Variants in PCDHGB2 observed in about 807,000 individuals in gnomAD.
PCDHGB2 encodes the protein protocadherin gamma-B2.
In PCDHGB2, 55 loss-of-function variants were observed where a neutral mutation model predicts 59.3. The observed-to-expected ratio is 0.93, with a 90% CI of 0.75 to 1.16. PCDHGB2 has a LOEUF of 1.16. Among genes scored for constraint, PCDHGB2 ranks in the 50% most tolerant of loss-of-function variants. The pLI, the probability that PCDHGB2 is intolerant of heterozygous loss-of-function variation, is 0.00. For synonymous variants in PCDHGB2, 516 were observed against 512.0 expected, an observed-to-expected ratio of 1.01 and a Z score of -0.11; for missense variants, 1,228 against 1,198.5, an observed-to-expected ratio of 1.02 and a Z score of -0.36.
chr5:141,472,533 C>A (rs1200612581), intron 1 of PCDHGB2, among the ~76,000 whole-genome samples: 3 of 150,970 alleles, frequency 2.0e-5, no homozygotes, highest in African/African-American at 7.3e-5. Flanking sequence ...GAGTGAGACA[C>A]CATCTCAAGA....
At chr5:141,435,877 G>A (rs1554127514) in intron 1 of PCDHGB2, among the ~76,000 whole-genome samples, 1 of 152,092 alleles carries the variant, frequency 6.6e-6, no homozygotes, top group Non-Finnish European at 1.5e-5. Flanking sequence ...AAAAGAGATT[G>A]GAAACCCCTT....
chr5:141,374,310 C>T, intron 1 of PCDHGB2: 3 of 1,614,006 alleles, frequency 1.9e-6, no homozygotes, highest in Non-Finnish European at 1.7e-6. Flanking sequence ...CAGCTTTTCT[C>T]TCTGAATCCG....
Position 141,485,063 on chromosome 5 carries a change from A to C in PCDHGB2, c.2422-9744A>C. On this transcript the variant is annotated intron_variant, in intron 1 of 3. Transcript: ENST00000522605. This position sits in a 1 kb window ranked among gnomAD's most constrained non-coding sequence, Gnocchi z 5.7. ...CTTGCGGCGCCGGCCGAACCGCGCC[A>C]GAGCTGGCGCGGGGAAAGGGAGATA... is the stretch of plus-strand genomic sequence containing the variant. 2 of 874,986 alleles carry C rather than the reference A, an allele frequency of 2.3e-6. No individual in the cohort carries two copies. Among genetic ancestry groups the C allele is most frequent in the Non-Finnish European group, 3.6e-6 (2 of 551,278 alleles). 54.2% of individuals were successfully genotyped at this position (874,986 alleles called of 1,614,324 possible).
chr5:141,499,836 A>G (rs2099794751), intron 2 of PCDHGB2, among the ~76,000 whole-genome samples: 1 of 151,894 alleles, frequency 6.6e-6, no homozygotes, highest in African/African-American at 2.4e-5. Flanking sequence ...ACAGGTGTGC[A>G]CCACCACACA....
intron 1 of PCDHGB2, chr5:141,365,734 T>C: frequency 4.3e-6 from 7 of 1,613,550 alleles, no homozygotes; most frequent in Non-Finnish European, 5.1e-6. Context: ...ATCCCAGAGG[T>C]GTCTCTATCT....
intron 1 of PCDHGB2, chr5:141,409,609 C>T: frequency 1.2e-6 from 2 of 1,613,938 alleles, no homozygotes; most frequent in Non-Finnish European, 1.7e-6. Flanking sequence ...CGCCAGGAGC[C>T]TCCATTGCGC....
chr5:141,409,883 C>T lies in PCDHGB2; in HGVS notation c.2421+47327C>T, dbSNP rs530193346. 1.2e-6 allele frequency: 2 copies of T among 1,612,988 alleles called. No individual in the cohort carries two copies. The highest frequency in any genetic ancestry group is 3.3e-5 in the Admixed American group (2 of 59,964). ...GGGAGACCGCAATGACAACGCACCGCGGGTGCTGTACCCAGCTCTGGGTCC... is the reference window on the plus strand; with the variant it reads ...GGGAGACCGCAATGACAACGCACCGTGGGTGCTGTACCCAGCTCTGGGTCC... On this transcript the variant is annotated intron_variant, in intron 1 of 3. Transcript: ENST00000522605.
At chr5:141,461,328 A>G (rs2154567322) in intron 1 of PCDHGB2, among the ~76,000 whole-genome samples, 1 of 152,282 alleles carries the variant, frequency 6.6e-6, no homozygotes, top group East Asian at 1.9e-4. Flanking sequence ...AATAATGGCC[A>G]TTCTTGCAGG....
chr5:141,460,822 C>A (rs2098998601), intron 1 of PCDHGB2, among the ~76,000 whole-genome samples: 2 of 151,502 alleles, frequency 1.3e-5, no homozygotes, highest in South Asian at 4.1e-4. Context: ...TACATATATA[C>A]ACACTTAAAG....
intron 1 of PCDHGB2, chr5:141,412,207 C>T (rs529672287): frequency 1.1e-3 from 173 of 152,330 alleles, no homozygotes; most frequent in African/African-American, 4.1e-3. Flanking sequence ...GGTCATTTGA[C>T]ATAAACACTT....
chr5:141,460,936 A>G (rs189741735), intron 1 of PCDHGB2, among the ~76,000 whole-genome samples: 31 of 149,318 alleles, frequency 2.1e-4, no homozygotes, highest in Non-Finnish European at 3.8e-4. Flanking sequence ...GTGTGTGTGT[A>G]TATATATGTA....
At position 141,421,063 on chromosome 5, in the gene PCDHGB2, G is replaced by A. The variant is rs575695102; in HGVS notation, c.2421+58507G>A. 4.7e-4 allele frequency: 274 copies of A among 581,982 alleles called. 4 individuals are homozygous for A. The South Asian group carries it at 6.4e-3, about 14-fold the overall frequency. 36.1% of individuals were successfully genotyped at this position (581,982 alleles called of 1,614,324 possible). On this transcript the variant is annotated intron_variant, in intron 1 of 3. Transcript: ENST00000522605. ...CTCCCCCGCCTCTACCACACAAAGC[G>A]GAATGAGATGGATACTCACAGATCC... is the stretch of plus-strand genomic sequence containing the variant.
intron 1 of PCDHGB2, chr5:141,403,871 C>T: frequency 1.2e-6 from 2 of 1,613,602 alleles, no homozygotes; most frequent in Admixed American, 1.7e-5. Flanking sequence ...AGCAAAAAGT[C>T]TAGATTATGA....
intron 1 of PCDHGB2, chr5:141,440,968 T>A (rs1487107428): frequency 6.6e-6 from 1 of 152,198 alleles, no homozygotes; most frequent in African/African-American, 2.4e-5. Flanking sequence ...AGATCACATA[T>A]GGCTTCACAA....
At chr5:141,368,314 C>T (rs928484151) in intron 1 of PCDHGB2, among the ~76,000 whole-genome samples, 1 of 152,080 alleles carries the variant, frequency 6.6e-6, no homozygotes, top group Admixed American at 6.6e-5. Context: ...TGTTAAAGAG[C>T]ATTCAAGTAT....
intron 1 of PCDHGB2, chr5:141,410,366 G>T: frequency 6.2e-7 from 1 of 1,613,774 alleles, no homozygotes; most frequent in Non-Finnish European, 8.5e-7. Flanking sequence ...TCTCAGCCCT[G>T]CTACTTGGGA....
Position 141,394,702 on chromosome 5 carries a change from G to A in PCDHGB2, c.2421+32146G>A, listed in dbSNP as rs1246576971. On this transcript the variant is annotated intron_variant, in intron 1 of 3. Coordinates refer to ENST00000522605, the MANE Select transcript of PCDHGB2 (RefSeq NM_018923.3). Reference sequence around the variant, plus strand: ...CACACGGGCGAGGTGCGCACGGCGCGAGCCCTGCTGGACAGAGATGCGCTC... The same window carrying A: ...CACACGGGCGAGGTGCGCACGGCGCAAGCCCTGCTGGACAGAGATGCGCTC... 1.9e-5 allele frequency: 31 copies of A among 1,613,178 alleles called. No homozygotes were observed. Among genetic ancestry groups the A allele is most frequent in the Non-Finnish European group, 2.5e-5 (29 of 1,179,882 alleles).
Position 141,489,629 on chromosome 5 carries a change from C to G in PCDHGB2, c.2422-5178C>G. 6.2e-7 allele frequency: 1 copy of G among 1,614,142 alleles called. No individual in the cohort carries two copies. The highest frequency in any genetic ancestry group is 8.5e-7 in the Non-Finnish European group (1 of 1,180,014). On this transcript the variant is annotated intron_variant, in intron 1 of 3. Coordinates refer to ENST00000522605, the MANE Select transcript of PCDHGB2 (RefSeq NM_018923.3). The surrounding 1 kb of genome is among the most constrained non-coding windows in gnomAD (Gnocchi z 4.5). Reference sequence around the variant, plus strand: ...GAGATCCTGGATCTCAATGACAACTCTCCTAGCTTTGCCACCCCTGAGCGA... The same window carrying G: ...GAGATCCTGGATCTCAATGACAACTGTCCTAGCTTTGCCACCCCTGAGCGA...
chr5:141,395,195 C>T (rs1317395472), intron 1 of PCDHGB2: 1 of 1,613,760 alleles, frequency 6.2e-7, no homozygotes, highest in Admixed American at 1.7e-5. Context: ...TGTTAACATC[C>T]GTAGATTTTC....
Sources: gnomAD v4.1 joint callset for allele counts (sites outside exome capture counted in the v4.1 genomes callset) on GRCh38, gnomAD v4.1.1 for gene constraint, Gnocchi (gnomAD v3.1) non-coding constraint, MANE v1.5 for transcripts, NCBI Gene and HGNC (gene_info 2026-07-23, HGNC 2026-07-21) for gene names.